The following C12orf56 variants were observed in gnomAD, a reference collection of about 807,000 sequenced individuals.
The protein encoded by C12orf56 is uncharacterized protein C12orf56.
Under a neutral mutation model 69.9 loss-of-function variants are expected in C12orf56, and 71 were observed. The observed-to-expected ratio is 1.02, with a 90% CI of 0.84 to 1.24. The LOEUF (loss-of-function observed/expected upper bound fraction) is 1.24. Among genes scored for constraint, C12orf56 ranks in the 50% most tolerant of loss-of-function variants. The probability of loss-of-function intolerance (pLI) is 0.00; values close to 1 mark genes in which losing one functional copy is unlikely to be tolerated. For missense variants in C12orf56, 732 were observed against 738.5 expected, an observed-to-expected ratio of 0.99 and a Z score of 0.10; for synonymous variants, 276 against 274.1, an observed-to-expected ratio of 1.01 and a Z score of -0.07.
At chr12:64,367,626 CT>C (rs2039515148) in intron 1 of C12orf56, among the ~76,000 whole-genome samples, 1 of 151,036 alleles carries the variant, frequency 6.6e-6, no homozygotes, top group African/African-American at 2.4e-5. Context: ...CTGCCTCAGC[CT>C]CCCGAGTAGC....
intron 1 of C12orf56, among the ~76,000 whole-genome samples, chr12:64,353,867 G>A (rs981175224): frequency 6.6e-6 from 1 of 152,066 alleles, no homozygotes. Context: ...TTTTTGTAGA[G>A]ATGGGGTTTC....
intron 6 of C12orf56, among the ~76,000 whole-genome samples, chr12:64,288,831 A>T (rs11175312): frequency 1.4e-5 from 2 of 146,248 alleles, no homozygotes; most frequent in African/African-American, 2.5e-5. Context: ...TTGGCGATGC[A>T]GGCTCTTTTT....
intron 9 of C12orf56, 141 bp from the exon 10 acceptor site, chr12:64,275,513 G>A (rs936196196): frequency 2.9e-5 from 13 of 455,474 alleles, no homozygotes; most frequent in African/African-American, 2.6e-4. Context: ...CCAGGTGGGA[G>A]TACAGTGCTG....
chr12:64,301,967 C>A (rs1041087902), intron 6 of C12orf56, among the ~76,000 whole-genome samples: 1 of 152,164 alleles, frequency 6.6e-6, no homozygotes, highest in African/African-American at 2.4e-5. Context: ...AAGCCAAAGT[C>A]TTTACTAGCA....
chr12:64,342,937 A>C (rs1255643065), intron 2 of C12orf56, among the ~76,000 whole-genome samples: 1 of 152,222 alleles, frequency 6.6e-6, no homozygotes, highest in Non-Finnish European at 1.5e-5. Flanking sequence ...ATATGGCCCA[A>C]GTGGCAGAGC....
intron 1 of C12orf56, among the ~76,000 whole-genome samples, chr12:64,358,688 G>A (rs2039357157): frequency 6.6e-6 from 1 of 151,540 alleles, no homozygotes; most frequent in Admixed American, 6.6e-5. Context: ...CAGCTACTCG[G>A]GAGGCTGAGG....
At chr12:64,306,330 G>C (rs1410984925) in intron 5 of C12orf56, among the ~76,000 whole-genome samples, 2 of 151,450 alleles carry the variant, frequency 1.3e-5, no homozygotes, top group African/African-American at 2.4e-5. Context: ...TTAGGAATAA[G>C]AGGAAAATCT....
chr12:64,347,094 G>A (rs1247544143), intron 2 of C12orf56, among the ~76,000 whole-genome samples: 4 of 151,636 alleles, frequency 2.6e-5, no homozygotes, highest in Non-Finnish European at 5.9e-5. Context: ...TCCTGCCTCA[G>A]CCTCCCAAGG....
intron 2 of C12orf56, among the ~76,000 whole-genome samples, chr12:64,350,198 C>T (rs2039204258): frequency 6.6e-6 from 1 of 151,610 alleles, no homozygotes; most frequent in African/African-American, 2.4e-5. Context: ...GCAGTGTATA[C>T]TGCTTGGGTG....
chr12:64,357,101 G>A (rs1040452731), intron 1 of C12orf56, among the ~76,000 whole-genome samples: 5 of 150,634 alleles, frequency 3.3e-5, no homozygotes, highest in Non-Finnish European at 5.9e-5. Flanking sequence ...TTATCAGCAG[G>A]CTCCTAAAAA....
intron 9 of C12orf56, 48 bp downstream of exon 9, chr12:64,277,632 C>CTATA (rs3057140): frequency 0.27 from 224,366 of 843,130 alleles, 5,532 homozygotes; most frequent in East Asian, 0.39. Context: ...GCCAGGGCCC[C>CTATA]TATATATATA....
chr12:64,383,272 T>C (rs1253221240), intron 1 of C12orf56, among the ~76,000 whole-genome samples: 1 of 150,844 alleles, frequency 6.6e-6, no homozygotes, highest in Non-Finnish European at 1.5e-5. Context: ...AGCAGAGGTG[T>C]CACCAGTGCA....
In C12orf56 at chr12:64,386,949, C is replaced by T. The variant is rs1010279078; in HGVS notation, c.252+3365G>A. ...CAAAAATTAGCCGGGCATGGTGGTG[C>T]GTGCCTGTAGTCCCAGCTACTTAGG... On this transcript the variant is annotated intron_variant, in intron 1 of 12. Coordinates refer to ENST00000543942, the MANE Select transcript of C12orf56 (RefSeq NM_001170633.2). 1.1e-4 allele frequency among the ~76,000 whole-genome samples: 17 copies of T among 151,454 alleles called. No homozygotes were observed. The East Asian group carries it at 3.1e-3, about 28-fold the overall frequency.
chr12:64,273,925 G>T (rs1335290134), intron 11 of C12orf56, among the ~76,000 whole-genome samples: 6 of 152,150 alleles, frequency 3.9e-5, no homozygotes, highest in African/African-American at 1.4e-4. Context: ...CCAGAAGGAG[G>T]CAGAGACAGA....
intron 1 of C12orf56, among the ~76,000 whole-genome samples, chr12:64,360,212 G>C (rs1311678767): frequency 6.6e-6 from 1 of 151,946 alleles, no homozygotes; most frequent in East Asian, 1.9e-4. Flanking sequence ...ATTGCATGAG[G>C]CCAGGAGTTC....
At chr12:64,278,558 A>G (rs1284742993) in intron 8 of C12orf56, among the ~76,000 whole-genome samples, 4 of 152,220 alleles carry the variant, frequency 2.6e-5, no homozygotes, top group Admixed American at 1.3e-4. Context: ...TTATAAATCA[A>G]GCGAATTGAC....
chr12:64,298,636 G>A (rs1438268473), intron 6 of C12orf56, among the ~76,000 whole-genome samples: 2 of 152,086 alleles, frequency 1.3e-5, no homozygotes, highest in Non-Finnish European at 2.9e-5. Flanking sequence ...ATTAAATAGG[G>A]AATCCTTTCC....
chr12:64,268,901 C>T (rs1241523571), intron 12 of C12orf56, among the ~76,000 whole-genome samples: 3 of 151,766 alleles, frequency 2.0e-5, no homozygotes, highest in African/African-American at 7.3e-5. Context: ...TTTAGGAGGC[C>T]GAGGCAGGTG....
Position 64,266,414 on chromosome 12 carries a change from T to A in C12orf56, c.*769A>T. The A allele has an allele frequency of 4.0e-6, 1 of 247,296 alleles. No individual in the cohort carries two copies. The highest frequency in any genetic ancestry group is 8.7e-6 in the Non-Finnish European group (1 of 115,066). The allele number at this position is 247,296 out of a possible 1,614,324, so 15.3% of individuals were successfully genotyped here. On this transcript the variant is annotated 3_prime_UTR_variant, in exon 13 of 13. Coordinates refer to ENST00000543942, the MANE Select transcript of C12orf56 (RefSeq NM_001170633.2). The stretch of plus-strand genomic sequence containing the variant: ...TGTAGCAGATTTTAAAACTCTGGCC[T>A]CCGGCCTTGGTGGTTTCTGGTGCAG...
Sources: allele counts gnomAD v4.1 joint callset (sites outside exome capture counted in the v4.1 genomes callset), GRCh38; gene constraint gnomAD v4.1.1; transcripts MANE v1.5; gene names NCBI Gene and HGNC (gene_info 2026-07-23, HGNC 2026-07-21).